The following PTPRJ variants were observed in gnomAD, a reference collection of about 807,000 sequenced individuals.
PTPRJ encodes receptor-type tyrosine-protein phosphatase eta.
In PTPRJ, 129 loss-of-function variants were observed where a neutral mutation model predicts 141.3. That is an observed-to-expected ratio of 0.91 (90% CI 0.79 to 1.06). The LOEUF is 1.06. Among genes scored for constraint, PTPRJ ranks in the 50% least tolerant of loss-of-function variants. PTPRJ has a pLI of 0.00. For synonymous variants in PTPRJ, 610 were observed against 640.5 expected (o/e 0.95, Z 0.72); for missense variants, 1,601 against 1,679.7 (o/e 0.95, Z 0.82).
At chr11:48,155,396 A>G (rs1279096085) in intron 19 of PTPRJ, among the ~76,000 whole-genome samples, 1 of 152,200 alleles carries the variant, frequency 6.6e-6, no homozygotes, top group African/African-American at 2.4e-5. Flanking sequence ...CATCTGTGAA[A>G]CAGGGCAGTG....
At chr11:48,089,689 A>C (rs1855817409) in intron 1 of PTPRJ, among the ~76,000 whole-genome samples, 2 of 152,214 alleles carry the variant, frequency 1.3e-5, no homozygotes, top group African/African-American at 4.8e-5. Flanking sequence ...AGTGGAGTTG[A>C]TAGATTTCAT....
chr11:48,007,646 G>A (rs956630229), intron 1 of PTPRJ, among the ~76,000 whole-genome samples: 3 of 152,082 alleles, frequency 2.0e-5, no homozygotes, highest in African/African-American at 7.2e-5. Context: ...CAAGTGATCT[G>A]CCCGCCTCCC....
chr11:48,109,915 C>A (rs1590513561), intron 1 of PTPRJ, 143 bp from the exon 2 acceptor site: 2 of 891,308 alleles, frequency 2.2e-6, no homozygotes, highest in Admixed American at 1.9e-5. Context: ...CCCAAGACGG[C>A]CTAACCCTGA....
chr11:48,122,330 G>C (rs955727982), intron 4 of PTPRJ, among the ~76,000 whole-genome samples: 7 of 152,166 alleles, frequency 4.6e-5, no homozygotes, highest in African/African-American at 1.7e-4. Flanking sequence ...TGACCCCGAG[G>C]GGGTGGCTGT....
chr11:48,139,600 G>A lies in PTPRJ; in HGVS notation c.2267G>A (p.Ser756Asn). 2 of 1,614,262 alleles carry A rather than the reference G, an allele frequency of 1.2e-6. No homozygotes were observed. Among genetic ancestry groups the A allele is most frequent in the Non-Finnish European group, 8.5e-7 (1 of 1,180,050 alleles). Residue 756 changes from serine (S) to asparagine (N), a missense_variant, in exon 11 of 25, where the codon AGT becomes AAT. Transcript: ENST00000418331. ...ANAGFELEVS[S>N]GAWNNATHLE... ...GCAGGCTTTGAGCTGGAGGTCAGCA[G>A]TGGAGCCTGGAACAATGCGACCCAC...
At chr11:48,108,768 G>T (rs912083434) in intron 1 of PTPRJ, among the ~76,000 whole-genome samples, 5 of 152,202 alleles carry the variant, frequency 3.3e-5, no homozygotes, top group Non-Finnish European at 5.9e-5. Context: ...GCTGAAAAAG[G>T]GTAGGCCTGA....
At chr11:48,005,596 T>A (rs1854601562) in intron 1 of PTPRJ, among the ~76,000 whole-genome samples, 1 of 152,278 alleles carries the variant, frequency 6.6e-6, no homozygotes, top group South Asian at 2.1e-4. Flanking sequence ...TATCCTTTTA[T>A]GAGCTGATGG....
At chr11:48,077,091 C>T (rs1855425291) in intron 1 of PTPRJ, among the ~76,000 whole-genome samples, 1 of 152,110 alleles carries the variant, frequency 6.6e-6, no homozygotes, top group Admixed American at 6.5e-5. Context: ...GTCTTGAACT[C>T]CCGACCTCAG....
At chr11:48,032,347 G>A (rs1344389255) in intron 1 of PTPRJ, among the ~76,000 whole-genome samples, 2 of 152,200 alleles carry the variant, frequency 1.3e-5, no homozygotes, top group Non-Finnish European at 2.9e-5. Flanking sequence ...ACAGCTGAGC[G>A]GCTACAGAGG....
intron 2 of PTPRJ, among the ~76,000 whole-genome samples, chr11:48,112,492 C>G (rs1856466461): frequency 6.6e-6 from 1 of 152,198 alleles, no homozygotes; most frequent in African/African-American, 2.4e-5. Context: ...CACGCCTCCT[C>G]TCCTTTCCTG....
intron 1 of PTPRJ, among the ~76,000 whole-genome samples, chr11:48,008,799 A>G (rs1854692970): frequency 6.6e-6 from 1 of 151,276 alleles, no homozygotes; most frequent in Admixed American, 6.6e-5. Flanking sequence ...TCCTGATCTC[A>G]GGTGATCCAC....
intron 18 of PTPRJ, among the ~76,000 whole-genome samples, chr11:48,152,569 T>C (rs1339151985): frequency 2.6e-5 from 4 of 152,262 alleles, no homozygotes; most frequent in Non-Finnish European, 5.9e-5. Flanking sequence ...TCTAGGGTTT[T>C]TATGGTTTTA....
chr11:48,085,706 G>A (rs1855685544), intron 1 of PTPRJ, among the ~76,000 whole-genome samples: 1 of 152,178 alleles, frequency 6.6e-6, no homozygotes, highest in African/African-American at 2.4e-5. Flanking sequence ...ATAATTTTAA[G>A]AGCATAAAGG....
chr11:47,980,944 C>G lies in PTPRJ; in HGVS notation c.32C>G (p.Pro11Arg). Residue 11 changes from proline (P) to arginine (R), a missense_variant, in exon 1 of 25, where the codon CCT becomes CGT. Pro to Arg is a moderately radical substitution (Grantham distance 103). Coordinates refer to ENST00000418331, the MANE Select transcript of PTPRJ (RefSeq NM_002843.4). ...CCGGCGGCGCGGGAGGCGCGGCTGC[C>G]TCCGCGCTCGCCCGGGCTGCGCTGG... MKPAAREARL[P>R]PRSPGLRWAL... 8.4e-7 allele frequency: 1 copy of G among 1,196,304 alleles called. No homozygotes were observed. The highest frequency in any genetic ancestry group is 3.5e-5 in the East Asian group (1 of 28,636). The allele number at this position is 1,196,304 out of a possible 1,614,324, so 74.1% of individuals were successfully genotyped here. A position where few individuals can be genotyped will look rare whatever the true frequency, so the allele number is the denominator to read the frequency against.
In PTPRJ at chr11:48,059,996, A is replaced by G. The variant is rs1375250606; in HGVS notation, c.97-50062A>G. Among the ~76,000 whole-genome samples, 4 of 152,168 alleles carry G rather than the reference A, an allele frequency of 2.6e-5. No homozygotes were observed. In the East Asian group the frequency reaches 5.8e-4, roughly 22 times the overall value. On this transcript the variant is annotated intron_variant, in intron 1 of 24. Coordinates refer to ENST00000418331, the MANE Select transcript of PTPRJ (RefSeq NM_002843.4). ...TTGAGCATGGTGAATGGGGCGCTCT[A>G]TGGAAAAGGGGTTCTGGGAAGCCTC...
chr11:48,067,700 C>T (rs1216200138), intron 1 of PTPRJ, among the ~76,000 whole-genome samples: 1 of 152,166 alleles, frequency 6.6e-6, no homozygotes, highest in Non-Finnish European at 1.5e-5. Context: ...TCTTGTTTTT[C>T]TCAGAGGACA....
chr11:48,110,921 T>TTTTC (rs1856421273), intron 2 of PTPRJ, among the ~76,000 whole-genome samples: 1 of 152,206 alleles, frequency 6.6e-6, no homozygotes, highest in South Asian at 2.1e-4. Context: ...ATATATTCAG[T>TTTTC]TGAAAGCACC....
intron 24 of PTPRJ, among the ~76,000 whole-genome samples, chr11:48,166,699 C>T (rs1268345700): frequency 6.6e-6 from 1 of 152,092 alleles, no homozygotes; most frequent in East Asian, 1.9e-4. Flanking sequence ...TCAGCTTATA[C>T]CCTTGTTTCC....
At chr11:48,055,667 C>T (rs551163729) in intron 1 of PTPRJ, among the ~76,000 whole-genome samples, 2 of 152,138 alleles carry the variant, frequency 1.3e-5, no homozygotes, top group Non-Finnish European at 2.9e-5. Context: ...GTCCTGGGGG[C>T]ACGAGGGTCC....
Sources: gnomAD v4.1 joint callset for allele counts (sites outside exome capture counted in the v4.1 genomes callset) on GRCh38, gnomAD v4.1.1 for gene constraint, MANE v1.5 for transcripts, NCBI Gene and HGNC (gene_info 2026-07-23, HGNC 2026-07-21) for gene names.